NMNAT1: variants seen among roughly 807,000 people sequenced by gnomAD.
NMNAT1 encodes nicotinamide nucleotide adenylyltransferase 1, also known as nicotinamide/nicotinic acid mononucleotide adenylyltransferase 1.
NMNAT1 carries 11 observed loss-of-function variants against 16.7 expected under a neutral mutation model. The observed-to-expected ratio is 0.66, with a 90% CI of 0.41 to 1.09. The LOEUF is 1.09. Among genes scored for constraint, NMNAT1 ranks in the 50% least tolerant of loss-of-function variants. NMNAT1 has a pLI of 0.00. For synonymous variants in NMNAT1, 110 were observed against 119.8 expected, an observed-to-expected ratio of 0.92 and a Z score of 0.53; for missense variants, 280 against 332.3, an observed-to-expected ratio of 0.84 and a Z score of 1.22.
intron 1 of NMNAT1, among the ~76,000 whole-genome samples, chr1:9,954,328 A>G (rs7522568): frequency 0.79 from 119,317 of 151,534 alleles, 49,518 homozygotes; most frequent in Non-Finnish European, 0.92. Context: ...TCTTACTTCA[A>G]CCTCCCAAGT....
chr1:9,962,680 T>TTG (rs1553125887), intron 1 of NMNAT1, among the ~76,000 whole-genome samples: 1 of 123,550 alleles, frequency 8.1e-6, no homozygotes, highest in Non-Finnish European at 1.7e-5. Flanking sequence ...AATAAGGGTT[T>TTG]TTTTTTTTTT....
At chr1:9,996,322 AAAAAG>A in the NMNAT1 span, among the ~76,000 whole-genome samples, 786 of 146,322 alleles carry the variant, frequency 5.4e-3, 2 homozygotes, top group African/African-American at 0.018. Context: ...AAAAAAAAAA[AAAAAG>A]AAAAAAGAAA....
intron 1 of NMNAT1, among the ~76,000 whole-genome samples, chr1:9,967,965 G>A (rs1309692177): frequency 6.6e-6 from 1 of 151,624 alleles, no homozygotes; most frequent in Non-Finnish European, 1.5e-5. Context: ...AACAGAGTGA[G>A]ATACTGTCTC....
intron 1 of NMNAT1, among the ~76,000 whole-genome samples, chr1:9,964,929 CAA>C (rs775381643): frequency 8.4e-4 from 28 of 33,436 alleles, no homozygotes; most frequent in Admixed American, 2.5e-3. Context: ...ACCTGGGCGA[CAA>C]AAAAAAAAAA....
intron 2 of NMNAT1, among the ~76,000 whole-genome samples, chr1:9,975,117 T>C (rs951095236): frequency 6.6e-6 from 1 of 152,176 alleles, no homozygotes; most frequent in African/African-American, 2.4e-5. Flanking sequence ...ATCATAGAAC[T>C]GTACGCTTGG....
intron 1 of NMNAT1, among the ~76,000 whole-genome samples, chr1:9,966,915 T>C (rs1161860172): frequency 1.3e-5 from 2 of 151,964 alleles, no homozygotes; most frequent in Non-Finnish European, 2.9e-5. Flanking sequence ...TTTATAATCT[T>C]AAAAGAATAA....
At position 9,972,198 on chromosome 1, in the gene NMNAT1, G is replaced by A. The variant is rs1269046356; in HGVS notation, c.115+10G>A. ...TACATGAATGGAACAGGTAGGAGCAGTAACCAAAAGTGGCTTAAGACTAGA... is the reference window on the plus strand; with the variant it reads ...TACATGAATGGAACAGGTAGGAGCAATAACCAAAAGTGGCTTAAGACTAGA... On this transcript the variant is annotated intron_variant, in intron 2 of 4. Coordinates refer to ENST00000377205, the MANE Select transcript of NMNAT1 (RefSeq NM_022787.4). 9 of 1,477,110 alleles carry A rather than the reference G, an allele frequency of 6.1e-6. No homozygotes were observed. The highest frequency in any genetic ancestry group is 8.5e-6 in the Non-Finnish European group (9 of 1,057,358). 91.5% of individuals were successfully genotyped at this position (1,477,110 alleles called of 1,614,324 possible). A position where few individuals can be genotyped will look rare whatever the true frequency, so the allele number is the denominator to read the frequency against.
intron 1 of NMNAT1, among the ~76,000 whole-genome samples, chr1:9,945,435 TC>T (rs1640957544): frequency 6.6e-6 from 1 of 152,154 alleles, no homozygotes; most frequent in African/African-American, 2.4e-5. Context: ...GTGTAGTGGC[TC>T]ACACCTGTAA....
chr1:9,976,466 A>G (rs1169255204), intron 3 of NMNAT1, among the ~76,000 whole-genome samples: 1 of 150,412 alleles, frequency 6.6e-6, no homozygotes, highest in Non-Finnish European at 1.5e-5. Context: ...TTTAAGGAAG[A>G]GAAGCATCCA....
chr1:9,967,798 G>T (rs1476238445), intron 1 of NMNAT1, among the ~76,000 whole-genome samples: 3 of 151,890 alleles, frequency 2.0e-5, no homozygotes, highest in African/African-American at 7.3e-5. Context: ...TGGGCAATAT[G>T]GCAAAACCCC....
chr1:9,961,670 A>G (rs779671700), intron 1 of NMNAT1, among the ~76,000 whole-genome samples: 19 of 152,158 alleles, frequency 1.2e-4, no homozygotes, highest in South Asian at 6.2e-4. Context: ...TTTTTTTCTA[A>G]TGCCCTAGTG....
At chr1:9,987,109 A>C (rs1557478635), downstream of NMNAT1, among the ~76,000 whole-genome samples, 2 of 151,524 alleles carry the variant, frequency 1.3e-5, no homozygotes, top group East Asian at 3.9e-4. Context: ...GAGGCAGGAG[A>C]ATTGCTTGAA....
Position 9,982,546 on chromosome 1 carries a change from G to C in NMNAT1, c.685G>C (p.Ala229Pro). The stretch of plus-strand genomic sequence containing the variant: ...CATCTCATCCACAAAAATCCGGAGA[G>C]CCCTCAGAAGGGGCCAGAGCATTCG... ...NDISSTKIRR[A>P]LRRGQSIRYL... Residue 229 changes from alanine to proline, a missense_variant, in exon 5 of 5, where the codon GCC becomes CCC. Coordinates refer to ENST00000377205, the MANE Select transcript of NMNAT1 (RefSeq NM_022787.4). 1 of 1,614,182 alleles carries C rather than the reference G, an allele frequency of 6.2e-7. No individual in the cohort carries two copies. The highest frequency in any genetic ancestry group is 1.1e-5 in the South Asian group (1 of 91,084).
intron 1 of NMNAT1, among the ~76,000 whole-genome samples, chr1:9,968,069 T>G (rs558733668): frequency 1.9e-4 from 12 of 62,200 alleles, no homozygotes; most frequent in South Asian, 5.8e-4. Flanking sequence ...CCAAATGTAG[T>G]TTTTTTTTTT....
At chr1:9,989,279 G>A (rs1158056030), downstream of NMNAT1, among the ~76,000 whole-genome samples, 1 of 152,046 alleles carries the variant, frequency 6.6e-6, no homozygotes, top group Non-Finnish European at 1.5e-5. Context: ...CCAACATGGC[G>A]AAACCCCACC....
intron 1 of NMNAT1, among the ~76,000 whole-genome samples, chr1:9,953,372 G>T (rs1237235612): frequency 2.6e-5 from 4 of 151,128 alleles, no homozygotes; most frequent in Non-Finnish European, 4.4e-5. Flanking sequence ...TGCCTCCCAG[G>T]CTCAAGTGAT....
At chr1:9,995,752 G>T in the NMNAT1 span, among the ~76,000 whole-genome samples, 2 of 152,086 alleles carry the variant, frequency 1.3e-5, no homozygotes, top group African/African-American at 2.4e-5. Flanking sequence ...AAATACCGCG[G>T]GTGCGGTGGC....
At chr1:9,962,976 T>C (rs7534615) in intron 1 of NMNAT1, among the ~76,000 whole-genome samples, 119,446 of 151,016 alleles carry the variant, frequency 0.79, 49,540 homozygotes, top group Non-Finnish European at 0.92. Flanking sequence ...CCACCGTGCC[T>C]GGCCCCAAAT....
intron 2 of NMNAT1, among the ~76,000 whole-genome samples, chr1:9,972,914 T>C (rs371634493): frequency 6.6e-6 from 1 of 152,108 alleles, no homozygotes; most frequent in East Asian, 1.9e-4. Context: ...TGAGCCATGA[T>C]TGCACCTTTG....
Sources: allele counts gnomAD v4.1 joint callset (sites outside exome capture counted in the v4.1 genomes callset), GRCh38; gene constraint gnomAD v4.1.1; transcripts MANE v1.5; gene names NCBI Gene and HGNC (gene_info 2026-07-23, HGNC 2026-07-21).